The following SAMMSON variants were observed in gnomAD, a reference collection of about 807,000 sequenced individuals.
SAMMSON encodes the protein long intergenic non-protein coding RNA 1212.
intron 6 of SAMMSON, among the ~76,000 whole-genome samples, chr3:70,281,687 A>G (rs889761138): frequency 2.6e-5 from 4 of 152,144 alleles, no homozygotes; most frequent in South Asian, 2.1e-4. Flanking sequence ...AATCCTCACC[A>G]TCATTGCTTT....
At chr3:70,424,820 C>T (rs1355191998) in intron 2 of SAMMSON, 1 of 152,164 alleles carries the variant, frequency 6.6e-6, no homozygotes, top group Non-Finnish European at 1.5e-5. Context: ...GAATCCCTGG[C>T]TTCTACCCAC....
intron 7 of SAMMSON, among the ~76,000 whole-genome samples, chr3:70,308,407 G>A (rs1410715047): frequency 6.6e-6 from 1 of 152,022 alleles, no homozygotes; most frequent in Non-Finnish European, 1.5e-5. Flanking sequence ...TCTTAAAAGA[G>A]GGTTTCTCCA....
chr3:70,372,488 C>T lies in SAMMSON; in HGVS notation n.913+14164C>T, dbSNP rs570791393. On this transcript the variant is annotated intron_variant and non_coding_transcript_variant, in intron 9 of 9. Transcript: ENST00000642114. ...CTCATTTTTGTATTATTAGTAGAGA[C>T]GGGGTTTCACCATGCTGGCCAGGCT... 1.1e-3 allele frequency among the ~76,000 whole-genome samples: 161 copies of T among 151,882 alleles called. 3 individuals carry two copies. Among genetic ancestry groups the T allele is most frequent in the East Asian group, 1.4e-3 (7 of 5,144 alleles).
chr3:70,287,412 T>G (rs893903897), intron 6 of SAMMSON, among the ~76,000 whole-genome samples: 3 of 151,596 alleles, frequency 2.0e-5, no homozygotes, highest in African/African-American at 7.3e-5. Flanking sequence ...TGAAGCCCAC[T>G]TGATCATGGT....
rs74280910 is a variant in SAMMSON, at chr3:70,351,190, A to C, written n.740-2985A>C. Among the ~76,000 whole-genome samples, 830 of 152,262 alleles carry C rather than the reference A, an allele frequency of 5.5e-3. 37 individuals carry two copies. In the East Asian group the frequency reaches 0.095, roughly 18 times the overall value. ...AAGCATAGGAAGATTGGCCAGGTGT[A>C]GTTCATGTTAACCATTACCCGATTC... On this transcript the variant is annotated intron_variant and non_coding_transcript_variant, in intron 7 of 9. Coordinates refer to ENST00000642114, the Ensembl canonical transcript of SAMMSON.
chr3:70,287,597 CT>C (rs1168436216), intron 6 of SAMMSON, among the ~76,000 whole-genome samples: 1 of 152,066 alleles, frequency 6.6e-6, no homozygotes, highest in Non-Finnish European at 1.5e-5. Context: ...AGGATTCCCT[CT>C]TTTTCTATTG....
At chr3:70,184,222 A>C (rs1701074967) in intron 4 of SAMMSON, 1 of 152,226 alleles carries the variant, frequency 6.6e-6, no homozygotes, top group Non-Finnish European at 1.5e-5. Context: ...CCAGATTAAT[A>C]AACAGGGTTA....
intron 4 of SAMMSON, among the ~76,000 whole-genome samples, chr3:70,158,202 C>T (rs1274049924): frequency 6.6e-6 from 1 of 152,008 alleles, no homozygotes; most frequent in East Asian, 1.9e-4. Flanking sequence ...TGCTGTTAAT[C>T]CCTCTCCCTT....
chr3:70,018,009 C>A (rs2066993520), intron 3 of SAMMSON, among the ~76,000 whole-genome samples: 1 of 152,128 alleles, frequency 6.6e-6, no homozygotes, highest in Non-Finnish European at 1.5e-5. Flanking sequence ...AGGATTTTTG[C>A]ATCGATGTTC....
intron 6 of SAMMSON, among the ~76,000 whole-genome samples, chr3:70,250,152 T>C (rs1183967877): frequency 6.6e-6 from 1 of 152,210 alleles, no homozygotes; most frequent in Admixed American, 6.6e-5. Flanking sequence ...TATTCTTCTC[T>C]GTTCAATAAA....
chr3:70,228,945 C>T (rs1366310757), intron 4 of SAMMSON, among the ~76,000 whole-genome samples: 5 of 152,018 alleles, frequency 3.3e-5, no homozygotes, highest in African/African-American at 1.2e-4. Context: ...AGCTTCTAGT[C>T]CAAGAGCAGA....
chr3:70,036,430 G>C (rs2067085363), intron 3 of SAMMSON, among the ~76,000 whole-genome samples: 1 of 152,164 alleles, frequency 6.6e-6, no homozygotes, highest in African/African-American at 2.4e-5. Context: ...ATCACTCTCA[G>C]ATGAAGGCTT....
chr3:70,234,078 TACAC>T (rs975359036), intron 4 of SAMMSON, among the ~76,000 whole-genome samples: 3 of 152,158 alleles, frequency 2.0e-5, no homozygotes, highest in Non-Finnish European at 4.4e-5. Flanking sequence ...AAAATTCTGA[TACAC>T]ACATTAAGAA....
intron 7 of SAMMSON, chr3:70,332,604 T>A (rs1293909427): frequency 6.7e-6 from 1 of 148,346 alleles, no homozygotes; most frequent in Admixed American, 6.8e-5. Flanking sequence ...GAAAATTTGG[T>A]TTTTTTTTTG....
chr3:70,134,726 A>G (rs957376591), intron 4 of SAMMSON, among the ~76,000 whole-genome samples: 4 of 152,200 alleles, frequency 2.6e-5, no homozygotes, highest in African/African-American at 9.6e-5. Flanking sequence ...TACATATGAT[A>G]CATATTTATT....
At chr3:70,345,512 T>C (rs376403216) in intron 7 of SAMMSON, among the ~76,000 whole-genome samples, 4 of 152,244 alleles carry the variant, frequency 2.6e-5, no homozygotes, top group East Asian at 1.9e-4. Context: ...TTAAATTTCA[T>C]ACATTAAAGC....
intron 7 of SAMMSON, among the ~76,000 whole-genome samples, chr3:70,313,411 G>A (rs777322592): frequency 6.6e-6 from 1 of 151,608 alleles, no homozygotes; most frequent in Non-Finnish European, 1.5e-5. Context: ...CTAGGAGGTC[G>A]GGGCAGCAGT....
chr3:70,280,803 T>C (rs1206553030), intron 6 of SAMMSON, among the ~76,000 whole-genome samples: 1 of 152,112 alleles, frequency 6.6e-6, no homozygotes, highest in Non-Finnish European at 1.5e-5. Flanking sequence ...TGTTTGACTG[T>C]AGGTCATGAA....
chr3:70,255,647 T>TG (rs1260957307), intron 6 of SAMMSON, among the ~76,000 whole-genome samples: 1 of 151,856 alleles, frequency 6.6e-6, no homozygotes, highest in Non-Finnish European at 1.5e-5. Flanking sequence ...CCTGTGGAGG[T>TG]GGGGTCTCAT....
Sources: allele counts gnomAD v4.1 joint callset (sites outside exome capture counted in the v4.1 genomes callset), GRCh38; gene constraint gnomAD v4.1.1; transcripts MANE v1.5; gene names NCBI Gene and HGNC (gene_info 2026-07-23, HGNC 2026-07-21).